PDE4B: variants seen among roughly 807,000 people sequenced by gnomAD.
PDE4B encodes 3',5'-cyclic-AMP phosphodiesterase 4B.
PDE4B carries 20 observed loss-of-function variants against 82.2 expected under a neutral mutation model. That is an observed-to-expected ratio of 0.24 (90% CI 0.17 to 0.35). The LOEUF (loss-of-function observed/expected upper bound fraction) is 0.35. PDE4B is among the 10% of genes least tolerant of loss of function. The pLI is 1.00. For synonymous variants in PDE4B, 320 were observed against 318.9 expected, an observed-to-expected ratio of 1.00 and a Z score of -0.04; for missense variants, 655 against 907.2, an observed-to-expected ratio of 0.72 and a Z score of 3.57.
At chr1:66,121,266 T>C (rs1035527967) in intron 3 of PDE4B, among the ~76,000 whole-genome samples, 2 of 152,110 alleles carry the variant, frequency 1.3e-5, no homozygotes, top group Non-Finnish European at 2.9e-5. Context: ...ATCAGGAATT[T>C]TGCAGTGGTA....
At chr1:66,152,433 C>A (rs1175067508) in intron 3 of PDE4B, 2 of 231,280 alleles carry the variant, frequency 8.6e-6, no homozygotes, top group East Asian at 8.9e-5. Context: ...CTGGCTGTGG[C>A]AGCAGCAGCA....
chr1:66,023,116 T>G (rs950263310), intron 3 of PDE4B, among the ~76,000 whole-genome samples: 3 of 152,122 alleles, frequency 2.0e-5, no homozygotes, highest in African/African-American at 7.2e-5. Flanking sequence ...GCCTCTATCT[T>G]TGATTTGTTA....
intron 2 of PDE4B, among the ~76,000 whole-genome samples, chr1:65,917,907 T>A (rs1490564237): frequency 6.6e-6 from 1 of 152,240 alleles, no homozygotes; most frequent in African/African-American, 2.4e-5. Flanking sequence ...CTCATGCCTG[T>A]AATCCCAGCA....
chr1:66,039,309 A>G (rs1241859052), intron 3 of PDE4B, among the ~76,000 whole-genome samples: 1 of 152,074 alleles, frequency 6.6e-6, no homozygotes, highest in Non-Finnish European at 1.5e-5. Flanking sequence ...ATCTTTAAGT[A>G]AAAGACTTCA....
intron 7 of PDE4B, among the ~76,000 whole-genome samples, chr1:66,289,089 G>A (rs1656885306): frequency 6.6e-6 from 1 of 151,910 alleles, no homozygotes; most frequent in Admixed American, 6.6e-5. Flanking sequence ...CATATACCTG[G>A]GTCTACAAAA....
chr1:65,824,740 A>G (rs1645994955), intron 1 of PDE4B, among the ~76,000 whole-genome samples: 1 of 152,026 alleles, frequency 6.6e-6, no homozygotes, highest in East Asian at 1.9e-4. Context: ...GCATTTTACA[A>G]TTTCATTTAC....
At chr1:66,299,201 C>T (rs977076245) in intron 7 of PDE4B, among the ~76,000 whole-genome samples, 1 of 152,208 alleles carries the variant, frequency 6.6e-6, no homozygotes. Context: ...ATTTTGTATT[C>T]CTTACCCAAA....
chr1:66,155,504 G>A (rs955236069), intron 3 of PDE4B, among the ~76,000 whole-genome samples: 1 of 151,920 alleles, frequency 6.6e-6, no homozygotes, highest in Non-Finnish European at 1.5e-5. Flanking sequence ...TTTTAGCAAG[G>A]TCAATCAATA....
At chr1:65,816,524 T>G (rs1645887716) in intron 1 of PDE4B, among the ~76,000 whole-genome samples, 1 of 152,150 alleles carries the variant, frequency 6.6e-6, no homozygotes, top group Non-Finnish European at 1.5e-5. Context: ...TCAATAACCA[T>G]AAAATGGTTC....
At chr1:66,333,243 A>G (rs1660258469) in intron 8 of PDE4B, among the ~76,000 whole-genome samples, 1 of 152,214 alleles carries the variant, frequency 6.6e-6, no homozygotes, top group Non-Finnish European at 1.5e-5. Context: ...AAATTGCTTC[A>G]TGCATACTGC....
At chr1:66,245,890 T>C (rs1653275059) in intron 3 of PDE4B, among the ~76,000 whole-genome samples, 1 of 152,238 alleles carries the variant, frequency 6.6e-6, no homozygotes. Flanking sequence ...CTGTCATTTC[T>C]TCTCCTCATG....
chr1:66,172,040 G>T (rs1557608693), intron 3 of PDE4B, among the ~76,000 whole-genome samples: 1 of 152,116 alleles, frequency 6.6e-6, no homozygotes, highest in Non-Finnish European at 1.5e-5. Context: ...TTTGGAGTAC[G>T]ATTGATCCCA....
chr1:66,166,846 T>A (rs1224931391), intron 3 of PDE4B, among the ~76,000 whole-genome samples: 1 of 151,912 alleles, frequency 6.6e-6, no homozygotes, highest in Non-Finnish European at 1.5e-5. Flanking sequence ...TACTTACAAT[T>A]CAACAACAAA....
chr1:65,794,559 T>G (rs4454519), intron 1 of PDE4B, among the ~76,000 whole-genome samples: 26,978 of 152,078 alleles, frequency 0.18, 2,889 homozygotes, highest in East Asian at 0.44. Flanking sequence ...AAGTTGAGCT[T>G]CTTCTCTCTC....
intron 3 of PDE4B, among the ~76,000 whole-genome samples, chr1:66,027,494 AC>A (rs1245324092): frequency 6.6e-6 from 1 of 152,100 alleles, no homozygotes; most frequent in African/African-American, 2.4e-5. Context: ...TCATGTCCTC[AC>A]ATTTCAAAAC....
chr1:66,058,625 G>A (rs1017688126), intron 3 of PDE4B, among the ~76,000 whole-genome samples: 3 of 152,212 alleles, frequency 2.0e-5, no homozygotes, highest in Admixed American at 1.3e-4. Context: ...ACACCATGTG[G>A]AAGCTACCAA....
intron 3 of PDE4B, among the ~76,000 whole-genome samples, chr1:66,091,534 G>A (rs892583922): frequency 3.3e-5 from 5 of 152,008 alleles, no homozygotes; most frequent in African/African-American, 1.2e-4. Context: ...TTTGTTATAT[G>A]CCTGATCTTA....
intron 7 of PDE4B, among the ~76,000 whole-genome samples, chr1:66,304,787 C>A (rs1187376088): frequency 1.3e-5 from 2 of 152,128 alleles, no homozygotes; most frequent in Non-Finnish European, 2.9e-5. Flanking sequence ...GAAATTCTCA[C>A]CTTCTTTTAA....
At chr1:65,846,736 TTA>T (rs1646272106) in intron 1 of PDE4B, among the ~76,000 whole-genome samples, 1 of 152,106 alleles carries the variant, frequency 6.6e-6, no homozygotes, top group Admixed American at 6.6e-5. Flanking sequence ...CTAGTGTTAG[TTA>T]GAGTTACTTC....
Sources: allele counts gnomAD v4.1 joint callset (sites outside exome capture counted in the v4.1 genomes callset), GRCh38; gene constraint gnomAD v4.1.1; transcripts MANE v1.5; gene names NCBI Gene and HGNC (gene_info 2026-07-23, HGNC 2026-07-21).